PCDH15: variants seen among roughly 807,000 people sequenced by gnomAD.
PCDH15 encodes protocadherin-15.
Under a neutral mutation model 178.5 loss-of-function variants are expected in PCDH15, and 129 were observed. The observed-to-expected ratio is 0.72, with a 90% CI of 0.63 to 0.84. The LOEUF is 0.84. Among genes scored for constraint, PCDH15 ranks in the 40% least tolerant of loss-of-function variants. The pLI is 0.00. For synonymous variants in PCDH15, 800 were observed against 732.0 expected, an observed-to-expected ratio of 1.09 and a Z score of -1.50; for missense variants, 2,230 against 2,099.9, an observed-to-expected ratio of 1.06 and a Z score of -1.21.
chr10:54,904,061 A>T (rs1993312), intron 2 of PCDH15, among the ~76,000 whole-genome samples: 1 of 151,970 alleles, frequency 6.6e-6, no homozygotes, highest in Non-Finnish European at 1.5e-5. Context: ...CTTTTAACAT[A>T]ATACTGATGC....
chr10:55,172,693 T>G (rs1220006871), intron 1 of PCDH15, among the ~76,000 whole-genome samples: 1 of 152,070 alleles, frequency 6.6e-6, no homozygotes, highest in African/African-American at 2.4e-5. Context: ...AACACACTAT[T>G]CTTTAAATTA....
At chr10:55,524,493 A>G (rs1261079860) in intron 2 of PCDH15, among the ~76,000 whole-genome samples, 1 of 151,552 alleles carries the variant, frequency 6.6e-6, no homozygotes, top group Non-Finnish European at 1.5e-5. Flanking sequence ...CATTGAAATG[A>G]TATTTTGGAT....
Position 55,591,417 on chromosome 10 carries a change from G to A in PCDH15, c.-156+36208C>T, listed in dbSNP as rs75456225. 4.7e-3 allele frequency among the ~76,000 whole-genome samples: 713 copies of A among 151,920 alleles called. 6 individuals are homozygous for A. The highest frequency in any genetic ancestry group is 0.016 in the African/African-American group (674 of 41,436). On this transcript the variant is annotated intron_variant, in intron 2 of 5. Coordinates refer to the PCDH15 transcript ENST00000613346. ...GCCACTGCACTCCAGCCTGGGTAAC[G>A]GAGTGAGACTCTCTCTCATAAATAA...
Position 55,106,458 on chromosome 10 carries a change from G to A in PCDH15, c.-80+60118C>T, listed in dbSNP as rs138368790. The stretch of plus-strand genomic sequence containing the variant: ...GAAGGAGTCTCGCTCTTGTCGCCCA[G>A]GCTGGAGTGCAGTGGCGCACGATCT... On this transcript the variant is annotated intron_variant, in intron 2 of 5. Transcript: ENST00000458638. 2.0e-5 allele frequency among the ~76,000 whole-genome samples: 3 copies of A among 152,244 alleles called. No homozygotes were observed. In the East Asian group the frequency reaches 5.8e-4, roughly 29 times the overall value.
chr10:55,364,456 T>C (rs906148276), intron 2 of PCDH15, among the ~76,000 whole-genome samples: 2 of 152,198 alleles, frequency 1.3e-5, no homozygotes, highest in Non-Finnish European at 2.9e-5. Context: ...GAGTCATTGT[T>C]CTTTCGTATA....
chr10:55,114,834 T>A (rs555165488), intron 2 of PCDH15, among the ~76,000 whole-genome samples: 161 of 152,334 alleles, frequency 1.1e-3, no homozygotes, highest in African/African-American at 3.6e-3. Context: ...AGTAAACTTC[T>A]ATGTTATTTA....
intron 2 of PCDH15, among the ~76,000 whole-genome samples, chr10:55,045,884 C>T (rs910181886): frequency 2.6e-5 from 4 of 151,830 alleles, no homozygotes; most frequent in African/African-American, 9.7e-5. Flanking sequence ...GTCCTTTTTC[C>T]CCGACTTTTC....
chr10:54,170,904 C>A (rs1484277980), intron 13 of PCDH15, among the ~76,000 whole-genome samples: 10 of 152,136 alleles, frequency 6.6e-5, no homozygotes, highest in Admixed American at 5.9e-4. Context: ...TTCTACTACT[C>A]CTCAGGGATT....
chr10:53,889,395 G>A (rs1166660830), intron 26 of PCDH15, among the ~76,000 whole-genome samples: 2 of 151,982 alleles, frequency 1.3e-5, no homozygotes, highest in African/African-American at 4.8e-5. Flanking sequence ...AGAGAAAAAT[G>A]TTAGAAAGAG....
chr10:54,773,404 T>C (rs1949320719), intron 1 of PCDH15, among the ~76,000 whole-genome samples: 1 of 152,190 alleles, frequency 6.6e-6, no homozygotes, highest in African/African-American at 2.4e-5. Flanking sequence ...CTAAAAATTA[T>C]AAATGAAAGA....
intron 15 of PCDH15, among the ~76,000 whole-genome samples, chr10:54,121,938 G>A (rs1176664877): frequency 6.6e-6 from 1 of 151,334 alleles, no homozygotes; most frequent in Non-Finnish European, 1.5e-5. Flanking sequence ...AATCAAGGAG[G>A]GGTGATTCCT....
intron 3 of PCDH15, among the ~76,000 whole-genome samples, chr10:54,522,749 T>C (rs1447492624): frequency 6.6e-6 from 1 of 152,190 alleles, no homozygotes; most frequent in African/African-American, 2.4e-5. Context: ...AAACAAATGA[T>C]TAATGAAATG....
chr10:55,374,580 A>C (rs887696225), intron 2 of PCDH15, among the ~76,000 whole-genome samples: 6 of 152,098 alleles, frequency 3.9e-5, no homozygotes, highest in African/African-American at 1.4e-4. Flanking sequence ...TAATATGAGA[A>C]AAAAAGTGCA....
chr10:54,897,590 T>A (rs553159073), intron 2 of PCDH15: 2 of 152,220 alleles, frequency 1.3e-5, no homozygotes, highest in Admixed American at 1.3e-4. Context: ...AAACTATTTG[T>A]TAACTACTAA....
At chr10:55,182,066 G>A (rs1419244956) in intron 1 of PCDH15, among the ~76,000 whole-genome samples, 1 of 151,826 alleles carries the variant, frequency 6.6e-6, no homozygotes, top group Non-Finnish European at 1.5e-5. Flanking sequence ...CATAATAAAA[G>A]AGAACTTAGT....
intron 1 of PCDH15, among the ~76,000 whole-genome samples, chr10:54,736,451 G>C (rs902182923): frequency 1.3e-5 from 2 of 151,920 alleles, no homozygotes; most frequent in African/African-American, 4.8e-5. Flanking sequence ...GCCCCATGCT[G>C]CTTTCTTGGT....
At chr10:55,343,324 A>C (rs1383224837) in intron 2 of PCDH15, among the ~76,000 whole-genome samples, 1 of 152,138 alleles carries the variant, frequency 6.6e-6, no homozygotes, top group East Asian at 1.9e-4. Flanking sequence ...AACAAAAACC[A>C]ACTTTTATTC....
intron 14 of PCDH15, among the ~76,000 whole-genome samples, chr10:54,148,759 T>TA (rs1257306574): frequency 1.3e-5 from 2 of 152,036 alleles, no homozygotes; most frequent in African/African-American, 4.8e-5. Flanking sequence ...TTGACAAATC[T>TA]ATTTCTCTAT....
intron 2 of PCDH15, among the ~76,000 whole-genome samples, chr10:54,642,297 G>A (rs74136237): frequency 1.5e-3 from 224 of 152,206 alleles, no homozygotes; most frequent in African/African-American, 5.3e-3. Flanking sequence ...CCAGAACTAT[G>A]AACAATAATT....
Sources: gnomAD v4.1 joint callset for allele counts (sites outside exome capture counted in the v4.1 genomes callset) on GRCh38, gnomAD v4.1.1 for gene constraint, MANE v1.5 for transcripts, NCBI Gene and HGNC (gene_info 2026-07-23, HGNC 2026-07-21) for gene names.